The following TASP1 variants were observed in gnomAD, a reference collection of about 807,000 sequenced individuals.
TASP1 encodes the protein taspase 1, also known as threonine aspartase 1.
In TASP1, 16 loss-of-function variants were observed where a neutral mutation model predicts 56.6. That is an observed-to-expected ratio of 0.28 (90% confidence interval 0.19 to 0.43). The LOEUF (loss-of-function observed/expected upper bound fraction) is 0.43, where lower values mean the gene tolerates loss of function less well. Ranked by LOEUF, TASP1 falls within the 20% of genes least tolerant of loss-of-function variation. TASP1 has a pLI of 1.00. For synonymous variants in TASP1, 179 were observed against 184.2 expected (o/e 0.97, Z 0.23); for missense variants, 393 against 511.6 (o/e 0.77, Z 2.24).
At chr20:13,166,672 G>A in the TASP1 span, 3 of 152,282 alleles carry the variant, frequency 2.0e-5, no homozygotes, top group African/African-American at 7.2e-5. Flanking sequence ...AATGCCTTGC[G>A]TTCTATAAAG....
chr20:13,414,463 A>G (rs1246592942), intron 13 of TASP1, among the ~76,000 whole-genome samples: 2 of 152,200 alleles, frequency 1.3e-5, no homozygotes, highest in African/African-American at 4.8e-5. Context: ...AGAGACACTT[A>G]AAGACTATAA....
At chr20:13,161,936 G>A in the TASP1 span, among the ~76,000 whole-genome samples, 1 of 152,278 alleles carries the variant, frequency 6.6e-6, no homozygotes, top group East Asian at 1.9e-4. Context: ...AAATTATTGA[G>A]TAGCATGTTA....
chr20:13,146,461 G>T, the TASP1 span, among the ~76,000 whole-genome samples: 1 of 152,034 alleles, frequency 6.6e-6, no homozygotes, highest in South Asian at 2.1e-4. Flanking sequence ...ATTTACAAGG[G>T]TTCCCAGAAG....
chr20:13,613,160 C>T (rs2048406664), intron 4 of TASP1, among the ~76,000 whole-genome samples: 1 of 152,022 alleles, frequency 6.6e-6, no homozygotes, highest in Non-Finnish European at 1.5e-5. Flanking sequence ...ACATAGAAGC[C>T]ACAAGAGGAT....
intron 8 of TASP1, among the ~76,000 whole-genome samples, chr20:13,540,985 G>T (rs6079096): frequency 6.6e-6 from 1 of 152,070 alleles, no homozygotes; most frequent in East Asian, 1.9e-4. Context: ...ATTGGCATAA[G>T]GCATATTTAA....
the TASP1 span, among the ~76,000 whole-genome samples, chr20:13,161,739 T>C: frequency 6.6e-6 from 1 of 152,178 alleles, no homozygotes; most frequent in Non-Finnish European, 1.5e-5. Context: ...GTAGGCATTT[T>C]AAGGGAATGA....
chr20:13,189,373 A>G, the TASP1 span, among the ~76,000 whole-genome samples: 1 of 152,206 alleles, frequency 6.6e-6, no homozygotes, highest in South Asian at 2.1e-4. Flanking sequence ...CATACAACCT[A>G]CAGAATAGGA....
At chr20:13,346,011 T>C in the TASP1 span, among the ~76,000 whole-genome samples, 1 of 151,716 alleles carries the variant, frequency 6.6e-6, no homozygotes, top group Non-Finnish European at 1.5e-5. Context: ...GGAGGGCTAC[T>C]GCCCATTTGA....
At chr20:13,355,271 A>T in the TASP1 span, among the ~76,000 whole-genome samples, 161 of 152,272 alleles carry the variant, frequency 1.1e-3, 1 homozygote, top group South Asian at 9.4e-3. Context: ...ATGTTATTTT[A>T]AAAAAACTTC....
At chr20:13,624,829 TTTTA>T (rs146345826) in intron 3 of TASP1, among the ~76,000 whole-genome samples, 4,304 of 152,280 alleles carry the variant, frequency 0.028, 210 homozygotes, top group African/African-American at 0.095. Flanking sequence ...ATTTTAATTT[TTTTA>T]TTTATTTTTT....
rs772314466 is a variant in TASP1 at position 13,417,481 on chromosome 20, G to A, written c.1137C>T (p.Val379=). Residue 379 remains valine, a synonymous_variant, in exon 13 of 14, where the codon GTC becomes GTT. Coordinates refer to ENST00000337743, the MANE Select transcript of TASP1 (RefSeq NM_017714.3). ...TCCCATCCTGGGCTGACATATATCCGACACACATGCTCTCCGTCGTGTGGC... is the reference window on the plus strand; with the variant it reads ...TCCCATCCTGGGCTGACATATATCCAACACACATGCTCTCCGTCGTGTGGC... ...LWSHTTESMC[V]GYMSAQDGKA... is the part of the protein sequence containing the mutation. 11 of 1,613,944 alleles carry A rather than the reference G, an allele frequency of 6.8e-6. No individual in the cohort carries two copies. Among genetic ancestry groups the A allele is most frequent in the South Asian group, 4.4e-5 (4 of 91,080 alleles).
chr20:13,433,685 C>A (rs1371426716), intron 12 of TASP1, among the ~76,000 whole-genome samples: 1 of 151,828 alleles, frequency 6.6e-6, no homozygotes, highest in Non-Finnish European at 1.5e-5. Flanking sequence ...AAAAAACACA[C>A]AGTCTTCTAT....
chr20:13,185,447 C>T, the TASP1 span, among the ~76,000 whole-genome samples: 1 of 152,164 alleles, frequency 6.6e-6, no homozygotes, highest in Non-Finnish European at 1.5e-5. Flanking sequence ...GTCACCCTCA[C>T]TTCCCAGCTC....
the TASP1 span, among the ~76,000 whole-genome samples, chr20:13,352,250 C>T: frequency 3.9e-5 from 6 of 152,070 alleles, no homozygotes; most frequent in African/African-American, 9.6e-5. Context: ...AGGAGTTCAA[C>T]ACCAGCCTGG....
the TASP1 span, among the ~76,000 whole-genome samples, chr20:13,337,757 G>A: frequency 2.0e-5 from 3 of 152,234 alleles, no homozygotes; most frequent in Non-Finnish European, 2.9e-5. Context: ...AAATGTTTTC[G>A]GTAACCAGAG....
At chr20:13,383,519 T>C in the TASP1 span, among the ~76,000 whole-genome samples, 2 of 152,190 alleles carry the variant, frequency 1.3e-5, no homozygotes, top group South Asian at 2.1e-4. Flanking sequence ...GGTGATTTAA[T>C]ATAAGCAATA....
intron 6 of TASP1, among the ~76,000 whole-genome samples, chr20:13,570,725 T>G (rs748210596): frequency 6.6e-6 from 1 of 152,132 alleles, no homozygotes; most frequent in Non-Finnish European, 1.5e-5. Flanking sequence ...TCTAAAGGAT[T>G]CTAAGAATAG....
the TASP1 span, among the ~76,000 whole-genome samples, chr20:13,248,845 C>T: frequency 6.6e-6 from 1 of 152,136 alleles, no homozygotes. Context: ...TCTGCAAAAC[C>T]GAGCACTGGC....
the TASP1 span, among the ~76,000 whole-genome samples, chr20:13,151,903 A>T: frequency 3.3e-5 from 5 of 152,220 alleles, no homozygotes; most frequent in South Asian, 1.0e-3. Context: ...GCGATATCCT[A>T]TGCTAGTGAT....
Sources: gnomAD v4.1 joint callset for allele counts (sites outside exome capture counted in the v4.1 genomes callset) on GRCh38, gnomAD v4.1.1 for gene constraint, MANE v1.5 for transcripts, NCBI Gene and HGNC (gene_info 2026-07-23, HGNC 2026-07-21) for gene names.